The following CAMKMT variants were observed in gnomAD, a reference collection of about 807,000 sequenced individuals.
The protein encoded by CAMKMT is calmodulin-lysine N-methyltransferase, also known as CaM KMT.
In CAMKMT, 53 loss-of-function variants were observed where a neutral mutation model predicts 48.0. The observed-to-expected ratio is 1.10, with a 90% CI of 0.89 to 1.39. The LOEUF (loss-of-function observed/expected upper bound fraction) is 1.39. CAMKMT is among the 40% of genes most tolerant of loss of function. The pLI, the probability that CAMKMT is intolerant of heterozygous loss-of-function variation, is 0.00. For synonymous variants in CAMKMT, 165 were observed against 152.3 expected, an observed-to-expected ratio of 1.08 and a Z score of -0.61; for missense variants, 428 against 402.7, an observed-to-expected ratio of 1.06 and a Z score of -0.54.
chr2:44,424,974 A>G (rs1684185721), intron 3 of CAMKMT, among the ~76,000 whole-genome samples: 2 of 152,220 alleles, frequency 1.3e-5, no homozygotes, highest in South Asian at 2.1e-4. Context: ...AGTTTTTGGG[A>G]TATACATGAT....
intron 3 of CAMKMT, among the ~76,000 whole-genome samples, chr2:44,614,434 T>C (rs894126530): frequency 6.6e-6 from 1 of 152,214 alleles, no homozygotes; most frequent in African/African-American, 2.4e-5. Flanking sequence ...GGCACATATT[T>C]ATTGAATGTG....
At chr2:44,705,263 C>A (rs1677488347) in intron 4 of CAMKMT, 1 of 640,142 alleles carries the variant, frequency 1.6e-6, no homozygotes, top group Non-Finnish European at 1.9e-6. Flanking sequence ...TCCTCCCTTT[C>A]CCCCTCTTCC....
intron 10 of CAMKMT, among the ~76,000 whole-genome samples, chr2:44,768,370 T>TC (rs1680947262): frequency 6.8e-6 from 1 of 146,290 alleles, no homozygotes; most frequent in South Asian, 2.1e-4. Context: ...TATTTTTTTT[T>TC]TTTTTTTAAT....
At chr2:44,613,561 TAAA>T (rs1213060972) in intron 3 of CAMKMT, among the ~76,000 whole-genome samples, 1 of 152,102 alleles carries the variant, frequency 6.6e-6, no homozygotes, top group Non-Finnish European at 1.5e-5. Context: ...CATCAGGAAA[TAAA>T]AAGGTGAATA....
chr2:44,431,365 A>G (rs1011755330), intron 3 of CAMKMT, among the ~76,000 whole-genome samples: 3 of 152,194 alleles, frequency 2.0e-5, no homozygotes, highest in Non-Finnish European at 4.4e-5. Context: ...TAAGTACCAA[A>G]TTGTATAAAT....
At chr2:44,534,340 TCAA>T (rs897938822) in intron 3 of CAMKMT, among the ~76,000 whole-genome samples, 1 of 152,002 alleles carries the variant, frequency 6.6e-6, no homozygotes, top group African/African-American at 2.4e-5. Flanking sequence ...AAACAGAAAA[TCAA>T]CAACGAGACA....
chr2:44,516,902 C>T (rs1360058670), intron 3 of CAMKMT, among the ~76,000 whole-genome samples: 1 of 151,954 alleles, frequency 6.6e-6, no homozygotes, highest in Non-Finnish European at 1.5e-5. Context: ...CCACCACGCC[C>T]AGCTAATTTT....
intron 2 of CAMKMT, among the ~76,000 whole-genome samples, chr2:44,381,972 G>A (rs1188106838): frequency 8.3e-6 from 1 of 120,714 alleles, no homozygotes; most frequent in Non-Finnish European, 1.7e-5. Flanking sequence ...ATGGAGTTTC[G>A]CTCTTGTCAC....
intron 8 of CAMKMT, among the ~76,000 whole-genome samples, chr2:44,753,267 A>T (rs957961420): frequency 2.7e-5 from 4 of 150,086 alleles, no homozygotes; most frequent in African/African-American, 9.7e-5. Flanking sequence ...AAAAAAAAAA[A>T]AAAAAAAGAA....
At chr2:44,476,533 G>C (rs1312099716) in intron 3 of CAMKMT, among the ~76,000 whole-genome samples, 1 of 151,638 alleles carries the variant, frequency 6.6e-6, no homozygotes, top group Non-Finnish European at 1.5e-5. Flanking sequence ...ATTAAATCTT[G>C]TCATGTTCAG....
intron 7 of CAMKMT, among the ~76,000 whole-genome samples, chr2:44,720,098 T>G (rs1380977185): frequency 6.6e-6 from 1 of 152,168 alleles, no homozygotes; most frequent in African/African-American, 2.4e-5. Context: ...ATCCCTACTA[T>G]TTAGTGTTTT....
intron 6 of CAMKMT, 75 bp downstream of exon 6, chr2:44,707,537 G>C: frequency 7.9e-7 from 1 of 1,271,706 alleles, no homozygotes; most frequent in Non-Finnish European, 1.1e-6. Context: ...TTGATATAAA[G>C]AAAGACAGCA....
chr2:44,632,036 A>G (rs952440487), intron 3 of CAMKMT, among the ~76,000 whole-genome samples: 6 of 152,000 alleles, frequency 3.9e-5, no homozygotes, highest in Non-Finnish European at 8.8e-5. Flanking sequence ...GATGTCATAA[A>G]CCTCACAATA....
chr2:44,610,360 G>C lies in CAMKMT; in HGVS notation c.377-93923G>C, dbSNP rs528185763. Among the ~76,000 whole-genome samples, 17 of 152,272 alleles carry C rather than the reference G, an allele frequency of 1.1e-4. No homozygotes were observed. In the East Asian group the frequency reaches 3.3e-3, roughly 29 times the overall value. ...GGGATGATAAAGTCTTAAGGAAGCA[G>C]AATAAAGGGAAGAATAAGGACCAAA... On this transcript the variant is annotated intron_variant, in intron 3 of 10. Transcript: ENST00000378494.
chr2:44,466,687 G>T lies in CAMKMT; in HGVS notation c.376+76382G>T, dbSNP rs1433281451. Among the ~76,000 whole-genome samples, 4 of 151,754 alleles carry T rather than the reference G, an allele frequency of 2.6e-5. No individual in the cohort carries two copies. The East Asian group carries it at 7.7e-4, about 29-fold the overall frequency. ...ATTTGAACAGAAATAAATAAAAAGAGAATAAAAATGATTTTAAAAAATTAA... is the reference window on the plus strand; with the variant it reads ...ATTTGAACAGAAATAAATAAAAAGATAATAAAAATGATTTTAAAAAATTAA... On this transcript the variant is annotated intron_variant, in intron 3 of 10. Transcript: ENST00000378494.
At chr2:44,556,437 C>T (rs1172794099) in intron 3 of CAMKMT, among the ~76,000 whole-genome samples, 1 of 148,688 alleles carries the variant, frequency 6.7e-6, no homozygotes, top group Non-Finnish European at 1.5e-5. Context: ...CCGTGTCCAG[C>T]CAATTTTTCT....
chr2:44,393,579 T>C (rs926020586), intron 3 of CAMKMT: 1 of 152,212 alleles, frequency 6.6e-6, no homozygotes, highest in African/African-American at 2.4e-5. Context: ...CTACTTTCTT[T>C]TGAGATATCA....
intron 3 of CAMKMT, among the ~76,000 whole-genome samples, chr2:44,635,608 A>G (rs910407955): frequency 1.3e-5 from 2 of 152,190 alleles, no homozygotes; most frequent in African/African-American, 4.8e-5. Flanking sequence ...CTTTTGCAGC[A>G]AAAAGATTTG....
At chr2:44,622,431 G>A (rs1323778534) in intron 3 of CAMKMT, among the ~76,000 whole-genome samples, 1 of 152,124 alleles carries the variant, frequency 6.6e-6, no homozygotes, top group Non-Finnish European at 1.5e-5. Flanking sequence ...AAGTACACTT[G>A]AACCCATCAC....
Sources: allele counts gnomAD v4.1 joint callset (sites outside exome capture counted in the v4.1 genomes callset), GRCh38; gene constraint gnomAD v4.1.1; transcripts MANE v1.5; gene names NCBI Gene and HGNC (gene_info 2026-07-23, HGNC 2026-07-21).